The following MTIF2 variants were observed in gnomAD, a reference collection of about 807,000 sequenced individuals.
The protein encoded by MTIF2 is translation initiation factor IF-2, mitochondrial.
In MTIF2, 71 loss-of-function variants were observed where a neutral mutation model predicts 83.5. The observed-to-expected ratio is 0.85, with a 90% CI of 0.70 to 1.04. MTIF2 has a LOEUF of 1.04. MTIF2 is among the 50% of genes least tolerant of loss of function. The pLI, the probability that MTIF2 is intolerant of heterozygous loss-of-function variation, is 0.00. For synonymous variants in MTIF2, 319 were observed against 287.1 expected, an observed-to-expected ratio of 1.11 and a Z score of -1.12; for missense variants, 957 against 846.5, an observed-to-expected ratio of 1.13 and a Z score of -1.62.
At chr2:55,249,682 A>G (rs1190631074) in intron 8 of MTIF2, 148 bp from the exon 9 acceptor site, 2 of 794,490 alleles carry the variant, frequency 2.5e-6, no homozygotes, top group Non-Finnish European at 2.0e-6. Flanking sequence ...CCCACTTTAG[A>G]GTCACATCAC....
intron 3 of MTIF2, among the ~76,000 whole-genome samples, chr2:55,267,121 A>G (rs1319989316): frequency 6.6e-6 from 1 of 151,398 alleles, no homozygotes; most frequent in African/African-American, 2.4e-5. Flanking sequence ...TGGTTCTGAC[A>G]TAGTAAATGT....
intron 5 of MTIF2, among the ~76,000 whole-genome samples, chr2:55,261,024 T>C (rs532228162): frequency 1.3e-5 from 2 of 151,982 alleles, no homozygotes; most frequent in South Asian, 4.2e-4. Flanking sequence ...TCTCGCTCTG[T>C]CGTCCAGGGT....
chr2:55,239,093 G>C (rs57681837), intron 14 of MTIF2, among the ~76,000 whole-genome samples: 18,227 of 152,230 alleles, frequency 0.12, 1,216 homozygotes, highest in East Asian at 0.28. Context: ...AATGGAGCTA[G>C]AGAGATATGA....
At chr2:55,240,307 G>T in intron 13 of MTIF2, 132 bp from the exon 14 acceptor site, 2 of 834,652 alleles carry the variant, frequency 2.4e-6, no homozygotes, top group Non-Finnish European at 3.6e-6. Flanking sequence ...GAGGCCAGGT[G>T]CAGTGGCTCA....
intron 6 of MTIF2, 38 bp downstream of exon 6, chr2:55,254,616 T>TC: frequency 6.8e-7 from 1 of 1,467,042 alleles, no homozygotes; most frequent in Non-Finnish European, 9.1e-7. Flanking sequence ...CTATGTAGTC[T>TC]CCCCCAAACC....
chr2:55,265,886 A>G (rs1678393979), intron 3 of MTIF2, among the ~76,000 whole-genome samples: 1 of 152,182 alleles, frequency 6.6e-6, no homozygotes, highest in African/African-American at 2.4e-5. Flanking sequence ...GTCTCTACTG[A>G]ATATGTACAC....
intron 5 of MTIF2, among the ~76,000 whole-genome samples, chr2:55,258,230 T>G (rs550992955): frequency 6.6e-6 from 1 of 152,336 alleles, no homozygotes; most frequent in African/African-American, 2.4e-5. Context: ...AGCCACTGAT[T>G]GTACTCCACA....
intron 7 of MTIF2, among the ~76,000 whole-genome samples, chr2:55,253,820 GAA>G (rs58393573): frequency 7.4e-4 from 37 of 49,904 alleles, no homozygotes; most frequent in African/African-American, 1.2e-3. Context: ...GTCTCAAAAA[GAA>G]AAAAAAAAAA....
At chr2:55,244,262 A>T in intron 10 of MTIF2, 29 bp from the exon 11 acceptor site, 1 of 1,514,854 alleles carries the variant, frequency 6.6e-7, no homozygotes, top group Non-Finnish European at 9.1e-7. Context: ...TATATTTTCA[A>T]TGTCATAATG....
intron 9 of MTIF2, among the ~76,000 whole-genome samples, chr2:55,247,855 T>A (rs1432359643): frequency 1.3e-5 from 2 of 152,094 alleles, no homozygotes; most frequent in Non-Finnish European, 2.9e-5. Context: ...ACTCATCTGA[T>A]GGTATCTGGC....
At chr2:55,259,566 T>C (rs1056150205) in intron 5 of MTIF2, among the ~76,000 whole-genome samples, 1 of 151,726 alleles carries the variant, frequency 6.6e-6, no homozygotes. Context: ...ATGGATAAAA[T>C]AAAATATCTG....
intron 14 of MTIF2, among the ~76,000 whole-genome samples, chr2:55,239,209 T>C (rs893204803): frequency 6.6e-6 from 1 of 152,208 alleles, no homozygotes; most frequent in Non-Finnish European, 1.5e-5. Flanking sequence ...ATAAGAGCAT[T>C]GTACAAATAA....
intron 15 of MTIF2, among the ~76,000 whole-genome samples, 177 bp from the exon 16 acceptor site, chr2:55,236,997 G>A (rs937511317): frequency 6.6e-6 from 1 of 152,202 alleles, no homozygotes; most frequent in African/African-American, 2.4e-5. Flanking sequence ...GAAGTTTGCT[G>A]TGAATAAGAC....
chr2:55,238,286 G>A (rs901383983), intron 14 of MTIF2, among the ~76,000 whole-genome samples: 10 of 151,656 alleles, frequency 6.6e-5, no homozygotes, highest in East Asian at 1.9e-4. Context: ...CAAAGTCCTC[G>A]GATGACACGC....
chr2:55,251,110 CAAAAAAAAA>C (rs57949152), intron 8 of MTIF2, among the ~76,000 whole-genome samples: 1 of 71,152 alleles, frequency 1.4e-5, no homozygotes, highest in African/African-American at 5.3e-5. Context: ...AACTCCGTCT[CAAAAAAAAA>C]AAAAAAAAAA....
At chr2:55,237,485 A>T in intron 14 of MTIF2, 57 bp from the exon 15 acceptor site, 1 of 1,497,396 alleles carries the variant, frequency 6.7e-7, no homozygotes, top group South Asian at 1.3e-5. Context: ...ATAAATACGT[A>T]ATTTCTGACA....
chr2:55,263,982 G>T, intron 3 of MTIF2, 117 bp from the exon 4 acceptor site: 1 of 744,662 alleles, frequency 1.3e-6, no homozygotes, highest in Non-Finnish European at 2.2e-6. Context: ...TTACAACAAT[G>T]AGTAAAACTG....
rs72799510 is a variant in MTIF2, at chr2:55,266,707, G to A, written c.-8+862C>T. On this transcript the variant is annotated intron_variant, in intron 3 of 15. Coordinates refer to ENST00000263629, the MANE Select transcript of MTIF2 (RefSeq NM_002453.3). Reference sequence around the variant, plus strand: ...TATTTGATGTGACCAAAGAAATTAAGGCTCTGGACGGGTGATCTTTGCTAG... The same window carrying A: ...TATTTGATGTGACCAAAGAAATTAAAGCTCTGGACGGGTGATCTTTGCTAG... Among the ~76,000 whole-genome samples, 341 of 148,062 alleles carry A rather than the reference G, an allele frequency of 2.3e-3. 2 individuals are homozygous for A. The highest frequency in any genetic ancestry group is 4.5e-3 in the Admixed American group (66 of 14,720).
At chr2:55,239,980 T>G in intron 14 of MTIF2, 31 bp downstream of exon 14, 1 of 1,578,200 alleles carries the variant, frequency 6.3e-7, no homozygotes, top group Non-Finnish European at 8.6e-7. Flanking sequence ...AATATACTAA[T>G]TTTTAAAAGT....
Sources: gnomAD v4.1 joint callset for allele counts (sites outside exome capture counted in the v4.1 genomes callset) on GRCh38, gnomAD v4.1.1 for gene constraint, MANE v1.5 for transcripts, NCBI Gene and HGNC (gene_info 2026-07-23, HGNC 2026-07-21) for gene names.